Variants in MALRD1 observed in about 807,000 individuals in gnomAD.
MALRD1 encodes MAM and LDL receptor class A domain containing 1.
MALRD1 carries 247 observed loss-of-function variants against 242.1 expected under a neutral mutation model. The observed-to-expected ratio is 1.02, with a 90% CI of 0.92 to 1.13. The LOEUF is 1.13. MALRD1 is among the 50% of genes most tolerant of loss of function. The pLI is 0.00. For missense variants in MALRD1, 2,989 were observed against 2,533.1 expected (o/e 1.18, Z -3.86); for synonymous variants, 995 against 866.6 (o/e 1.15, Z -2.60).
At chr10:19,458,562 G>A (rs10827476) in intron 29 of MALRD1, among the ~76,000 whole-genome samples, 51,075 of 151,890 alleles carry the variant, frequency 0.34, 8,656 homozygotes, top group East Asian at 0.45. Context: ...ATGTATCACC[G>A]CATGTGGTAG....
intron 18 of MALRD1, among the ~76,000 whole-genome samples, chr10:19,238,969 G>C (rs1402788051): frequency 6.6e-6 from 1 of 151,414 alleles, no homozygotes; most frequent in East Asian, 1.9e-4. Context: ...TTCCCTGATG[G>C]TTAGTGATGT....
intron 33 of MALRD1, among the ~76,000 whole-genome samples, chr10:19,572,716 C>G (rs191803643): frequency 2.4e-4 from 37 of 152,118 alleles, no homozygotes; most frequent in Admixed American, 1.3e-3. Context: ...GGGCCCTAAT[C>G]CAATATGACC....
In MALRD1 at chr10:19,607,837, C is replaced by G. The variant is rs753593564; in HGVS notation, c.6005C>G (p.Ala2002Gly). 1.7e-5 allele frequency: 27 copies of G among 1,549,764 alleles called. No homozygotes were observed. The South Asian group carries it at 2.9e-4, about 16-fold the overall frequency. Residue 2002 changes from alanine (A) to glycine (G), a missense_variant, in exon 35 of 40, where the codon GCC becomes GGC. By Grantham distance (60) the Ala-to-Gly change is moderately conservative. Transcript: ENST00000454679. The stretch of plus-strand genomic sequence containing the variant: ...GCCTCCTCCAACAGCTGTATCCCAG[C>G]CCACCAGCGCTGTGATGGTTTTGCC... ...VCASSNSCIPAHQRCDGFADC... is the reference protein window; with the variant it reads ...VCASSNSCIPGHQRCDGFADC...
intron 21 of MALRD1, chr10:19,290,448 A>G (rs1279350562): frequency 2.0e-5 from 3 of 152,206 alleles, no homozygotes; most frequent in Admixed American, 6.5e-5. Context: ...ATCAAGGTAT[A>G]TGGAAATATT....
At chr10:19,617,667 G>T (rs943818365) in intron 36 of MALRD1, among the ~76,000 whole-genome samples, 19 of 151,904 alleles carry the variant, frequency 1.3e-4, no homozygotes, top group African/African-American at 3.6e-4. Flanking sequence ...CACTGTAGTA[G>T]TAAGGTTTGT....
chr10:19,456,775 AT>A (rs1305772398), intron 29 of MALRD1, among the ~76,000 whole-genome samples: 2 of 145,056 alleles, frequency 1.4e-5, no homozygotes, highest in African/African-American at 5.6e-5. Flanking sequence ...TTATTTATTT[AT>A]TTATTTATTT....
At chr10:19,452,912 C>T (rs1318299984) in intron 29 of MALRD1, among the ~76,000 whole-genome samples, 1 of 152,132 alleles carries the variant, frequency 6.6e-6, no homozygotes, top group Non-Finnish European at 1.5e-5. Flanking sequence ...AGGTAAGTTT[C>T]TTCATTTCGC....
intron 29 of MALRD1, among the ~76,000 whole-genome samples, chr10:19,455,605 G>A (rs1345510808): frequency 6.6e-6 from 1 of 152,134 alleles, no homozygotes; most frequent in Non-Finnish European, 1.5e-5. Flanking sequence ...AAGGTACTTT[G>A]AAAAACACAT....
chr10:19,436,159 T>G (rs1182141499), intron 28 of MALRD1, among the ~76,000 whole-genome samples: 1 of 152,134 alleles, frequency 6.6e-6, no homozygotes, highest in East Asian at 1.9e-4. Flanking sequence ...GAATCAGCCA[T>G]TTCTCCAAAG....
At chr10:19,119,053 G>A (rs1194189561) in intron 5 of MALRD1, among the ~76,000 whole-genome samples, 1 of 152,146 alleles carries the variant, frequency 6.6e-6, no homozygotes, top group Non-Finnish European at 1.5e-5. Context: ...GTTGGTAGTA[G>A]TAGTGGAGGT....
intron 21 of MALRD1, among the ~76,000 whole-genome samples, chr10:19,317,772 G>A (rs991303524): frequency 6.6e-6 from 1 of 152,156 alleles, no homozygotes; most frequent in African/African-American, 2.4e-5. Flanking sequence ...TAATCTGTGT[G>A]ATAGTAAGAG....
chr10:19,608,100 T>C (rs1020297298), intron 35 of MALRD1, among the ~76,000 whole-genome samples, 198 bp downstream of exon 35: 32 of 151,950 alleles, frequency 2.1e-4, no homozygotes, highest in Non-Finnish European at 3.4e-4. Context: ...AATGGGCTCA[T>C]GCTAGTTCTA....
rs535690817 is a variant in MALRD1, at chr10:19,363,962, A to C, written c.4441+11665A>C. Among the ~76,000 whole-genome samples, 57 of 152,202 alleles carry C rather than the reference A, an allele frequency of 3.7e-4. 3 individuals are homozygous for C. The highest frequency in any genetic ancestry group is 3.7e-3 in the South Asian group (18 of 4,828). ...TTGCATTGCAGTAAAAAAGAGACAG[A>C]GTAGTGTTTTGTGAAGGCCCTGAGA... On this transcript the variant is annotated intron_variant, in intron 26 of 39. Transcript: ENST00000454679.
chr10:19,394,923 A>G (rs1208246460), intron 28 of MALRD1, among the ~76,000 whole-genome samples: 1 of 152,182 alleles, frequency 6.6e-6, no homozygotes, highest in Non-Finnish European at 1.5e-5. Flanking sequence ...TTTTGAGTAT[A>G]CTGTTTGCAT....
intron 24 of MALRD1, among the ~76,000 whole-genome samples, chr10:19,332,836 T>C (rs890994377): frequency 2.0e-5 from 3 of 152,212 alleles, no homozygotes; most frequent in Non-Finnish European, 2.9e-5. Flanking sequence ...TCAAAGTTCA[T>C]AAAACTTGTA....
chr10:19,556,627 A>T lies in MALRD1; in HGVS notation c.5479-10875A>T, dbSNP rs575145765. Among the ~76,000 whole-genome samples, 95 of 152,260 alleles carry T rather than the reference A, an allele frequency of 6.2e-4. 1 individual carries two copies. The highest frequency in any genetic ancestry group is 2.1e-3 in the African/African-American group (89 of 41,566). ...TACTTATTGCAGAATAAGATTCCAT[A>T]CTATGGATGTGCCAGAGTTCGTTTA... On this transcript the variant is annotated intron_variant, in intron 32 of 39. Transcript: ENST00000454679.
intron 21 of MALRD1, among the ~76,000 whole-genome samples, chr10:19,296,863 A>G (rs1051874280): frequency 6.6e-6 from 1 of 151,574 alleles, no homozygotes; most frequent in Admixed American, 6.6e-5. Context: ...TGAGCACATG[A>G]TGTAATTTTA....
At chr10:19,320,162 T>C (rs1180919484) in intron 21 of MALRD1, among the ~76,000 whole-genome samples, 1 of 146,878 alleles carries the variant, frequency 6.8e-6, no homozygotes, top group Non-Finnish European at 1.5e-5. Context: ...TATCAACCCA[T>C]CCTCTAGGTT....
chr10:19,229,008 G>A (rs1320090491), intron 18 of MALRD1, among the ~76,000 whole-genome samples: 2 of 152,034 alleles, frequency 1.3e-5, no homozygotes, highest in African/African-American at 4.8e-5. Flanking sequence ...GTGTGTAAGT[G>A]TGTGATTTGA....
Sources: gnomAD v4.1 joint callset for allele counts (sites outside exome capture counted in the v4.1 genomes callset) on GRCh38, gnomAD v4.1.1 for gene constraint, MANE v1.5 for transcripts, NCBI Gene and HGNC (gene_info 2026-07-23, HGNC 2026-07-21) for gene names.